ERBB4: variants seen among roughly 807,000 people sequenced by gnomAD.
The protein encoded by ERBB4 is receptor tyrosine-protein kinase erbB-4.
Under a neutral mutation model 158.0 loss-of-function variants are expected in ERBB4, and 42 were observed. That is an observed-to-expected ratio of 0.27 (90% CI 0.21 to 0.34). The LOEUF is 0.34. Ranked by LOEUF, ERBB4 falls within the 10% of genes least tolerant of loss-of-function variation. The probability of loss-of-function intolerance (pLI) is 1.00; values close to 1 mark genes in which losing one functional copy is unlikely to be tolerated. For synonymous variants in ERBB4, 583 were observed against 558.7 expected (o/e 1.04, Z -0.61); for missense variants, 1,333 against 1,624.1 (o/e 0.82, Z 3.08).
At chr2:211,806,004 A>G (rs2076604287) in intron 3 of ERBB4, among the ~76,000 whole-genome samples, 1 of 152,066 alleles carries the variant, frequency 6.6e-6, no homozygotes, top group South Asian at 2.1e-4. Context: ...GAAGTCAAGC[A>G]TTACAAGTTA....
At chr2:212,189,593 C>T (rs2082128199) in intron 1 of ERBB4, among the ~76,000 whole-genome samples, 1 of 152,096 alleles carries the variant, frequency 6.6e-6, no homozygotes, top group Non-Finnish European at 1.5e-5. Flanking sequence ...TCTTCAACAC[C>T]CCAAATTATA....
intron 1 of ERBB4, among the ~76,000 whole-genome samples, chr2:212,413,578 T>A (rs1004932476): frequency 1.3e-5 from 2 of 152,138 alleles, no homozygotes; most frequent in Admixed American, 6.5e-5. Flanking sequence ...CTTATTTGTC[T>A]TATATGTGTT....
chr2:211,534,450 C>A (rs1559269299), intron 20 of ERBB4, among the ~76,000 whole-genome samples: 2 of 152,062 alleles, frequency 1.3e-5, no homozygotes, highest in African/African-American at 4.8e-5. Context: ...ATTGTCCACA[C>A]AAAATTACAT....
rs187665528 is a variant in ERBB4 at position 211,383,099 on chromosome 2, T to G, written c.*516A>C. ...CTGGGGAAAGAAACTGGATTCTCAA[T>G]TTCAGACACCATCATATGTTATAGA... On this transcript the variant is annotated 3_prime_UTR_variant, in exon 28 of 28. Coordinates refer to ENST00000342788, the MANE Select transcript of ERBB4 (RefSeq NM_005235.3). 6.0e-5 allele frequency: 14 copies of G among 233,046 alleles called. No individual in the cohort carries two copies. Among genetic ancestry groups the G allele is most frequent in the South Asian group, 1.8e-4 (1 of 5,522 alleles). 14.4% of individuals were successfully genotyped at this position (233,046 alleles called of 1,614,324 possible). A position where few individuals can be genotyped will look rare whatever the true frequency, so the allele number is the denominator to read the frequency against.
intron 9 of ERBB4, among the ~76,000 whole-genome samples, chr2:211,710,855 G>A (rs1473460829): frequency 6.6e-6 from 1 of 151,920 alleles, no homozygotes; most frequent in Non-Finnish European, 1.5e-5. Context: ...CCCCAGCCAT[G>A]TGGGACTGTG....
chr2:211,921,457 A>G (rs1173181552), intron 3 of ERBB4, among the ~76,000 whole-genome samples: 1 of 152,072 alleles, frequency 6.6e-6, no homozygotes, highest in Non-Finnish European at 1.5e-5. Flanking sequence ...AGATTACTCA[A>G]CTGACGTGTA....
chr2:212,237,915 G>C (rs888127569), intron 1 of ERBB4, among the ~76,000 whole-genome samples: 1 of 152,156 alleles, frequency 6.6e-6, no homozygotes, highest in African/African-American at 2.4e-5. Flanking sequence ...AGTAATAGCG[G>C]ACGCCCCTCC....
chr2:211,623,793 A>C, intron 18 of ERBB4, 129 bp downstream of exon 18: 1 of 865,898 alleles, frequency 1.2e-6, no homozygotes, highest in Non-Finnish European at 1.8e-6. Flanking sequence ...ACTTCTCAAT[A>C]TTATAAAAGT....
At chr2:211,434,764 C>G (rs1044970887) in intron 20 of ERBB4, among the ~76,000 whole-genome samples, 1 of 152,166 alleles carries the variant, frequency 6.6e-6, no homozygotes, top group Non-Finnish European at 1.5e-5. Flanking sequence ...GTGACAGTCT[C>G]TAGACAGTTT....
At chr2:211,419,304 T>C (rs2063462074) in intron 25 of ERBB4, among the ~76,000 whole-genome samples, 1 of 152,010 alleles carries the variant, frequency 6.6e-6, no homozygotes, top group Admixed American at 6.6e-5. Flanking sequence ...TGTTTAAGGA[T>C]TAAGGAGGTT....
intron 1 of ERBB4, among the ~76,000 whole-genome samples, chr2:212,341,304 C>T (rs1257833408): frequency 6.6e-6 from 1 of 151,924 alleles, no homozygotes; most frequent in Non-Finnish European, 1.5e-5. Context: ...TGACTTTAAA[C>T]ATGATTTTCA....
intron 1 of ERBB4, among the ~76,000 whole-genome samples, chr2:212,491,132 T>C (rs1165834988): frequency 6.6e-6 from 1 of 151,608 alleles, no homozygotes; most frequent in East Asian, 1.9e-4. Context: ...ATGGACTGAA[T>C]GATCATAAGT....
chr2:211,861,156 TA>T (rs1559586382), intron 3 of ERBB4, among the ~76,000 whole-genome samples: 1 of 28,466 alleles, frequency 3.5e-5, no homozygotes, highest in Non-Finnish European at 7.4e-5. Context: ...ATATATATAT[TA>T]AAAAAAAGTA....
chr2:212,282,102 A>G (rs979042), intron 1 of ERBB4, among the ~76,000 whole-genome samples: 105,347 of 151,700 alleles, frequency 0.69, 36,745 homozygotes, highest in Middle Eastern at 0.79. Context: ...TTATCATAAT[A>G]TTCTCTGATG....
chr2:212,444,997 C>T (rs767237140), intron 1 of ERBB4, among the ~76,000 whole-genome samples: 1 of 151,700 alleles, frequency 6.6e-6, no homozygotes, highest in Non-Finnish European at 1.5e-5. Context: ...GCCTTATCCA[C>T]CATCATGGTA....
In ERBB4 at chr2:211,378,684, C is replaced by A. The variant is rs1462912497; in HGVS notation, c.*4931G>T. 1 of 232,232 alleles carries A rather than the reference C, an allele frequency of 4.3e-6. No individual in the cohort carries two copies. Among genetic ancestry groups the A allele is most frequent in the African/African-American group, 2.2e-5 (1 of 45,232 alleles). The allele number at this position is 232,232 out of a possible 1,614,324, so 14.4% of individuals were successfully genotyped here. A position where few individuals can be genotyped will look rare whatever the true frequency, so the allele number is the denominator to read the frequency against. ...TAATGAGGTCTCCACTGATAATGAT[C>A]TTTTAAAATTATGCCTGATCTCATC... On this transcript the variant is annotated 3_prime_UTR_variant, in exon 28 of 28. Coordinates refer to ENST00000342788, the MANE Select transcript of ERBB4 (RefSeq NM_005235.3).
Position 212,071,320 on chromosome 2 carries a change from A to G in ERBB4, c.234+53432T>C, listed in dbSNP as rs1056479848. Among the ~76,000 whole-genome samples, 274 of 152,004 alleles carry G rather than the reference A, an allele frequency of 1.8e-3. 1 individual carries two copies. Among genetic ancestry groups the G allele is most frequent in the African/African-American group, 6.2e-3 (259 of 41,530 alleles). ...AAAGCAGACAGAAGAAATGAAAAAAAAAAAACCCACTCAGAAACACAGTTT... is the reference window on the plus strand; with the variant it reads ...AAAGCAGACAGAAGAAATGAAAAAAGAAAAACCCACTCAGAAACACAGTTT... On this transcript the variant is annotated intron_variant, in intron 2 of 27. Coordinates refer to ENST00000342788, the MANE Select transcript of ERBB4 (RefSeq NM_005235.3).
intron 1 of ERBB4, among the ~76,000 whole-genome samples, chr2:212,350,583 TCAGA>T (rs764969023): frequency 6.6e-6 from 1 of 152,158 alleles, no homozygotes; most frequent in Non-Finnish European, 1.5e-5. Context: ...TCCCTTCATA[TCAGA>T]CATTTTCCCT....
intron 12 of ERBB4, among the ~76,000 whole-genome samples, chr2:211,680,063 G>A (rs2072271797): frequency 6.6e-6 from 1 of 152,208 alleles, no homozygotes; most frequent in South Asian, 2.1e-4. Flanking sequence ...TAAGGAAGAA[G>A]TTTTGAAAGA....
Sources: gnomAD v4.1 joint callset for allele counts (sites outside exome capture counted in the v4.1 genomes callset) on GRCh38, gnomAD v4.1.1 for gene constraint, MANE v1.5 for transcripts, NCBI Gene and HGNC (gene_info 2026-07-23, HGNC 2026-07-21) for gene names.